PACRG: variants seen among roughly 807,000 people sequenced by gnomAD.
PACRG encodes the protein parkin coregulated gene protein.
A neutral mutation model predicts 29.7 loss-of-function variants in PACRG; 29 were observed. The ratio of observed to expected loss-of-function variants is 0.98; its 90% CI spans 0.73 to 1.33. PACRG has a LOEUF of 1.33. Ranked by LOEUF, PACRG falls within the 40% of genes most tolerant of loss-of-function variation. PACRG has a pLI of 0.00. For missense variants in PACRG, 279 were observed against 316.2 expected (o/e 0.88, Z 0.89); for synonymous variants, 116 against 118.7 (o/e 0.98, Z 0.15).
chr6:163,233,444 AGAGATGCC>A (rs1334055464), intron 4 of PACRG, among the ~76,000 whole-genome samples: 1 of 152,242 alleles, frequency 6.6e-6, no homozygotes, highest in Admixed American at 6.5e-5. Context: ...CTTGAACTTG[AGAGATGCC>A]ATTTTCTAAA....
chr6:162,794,672 G>A (rs769362621), intron 1 of PACRG, among the ~76,000 whole-genome samples: 12 of 152,000 alleles, frequency 7.9e-5, no homozygotes, highest in African/African-American at 1.2e-4. Context: ...CAGTTGTCCC[G>A]CACCATATAT....
intron 2 of PACRG, among the ~76,000 whole-genome samples, chr6:162,961,044 G>T (rs573394976): frequency 1.3e-5 from 2 of 152,156 alleles, no homozygotes; most frequent in African/African-American, 4.8e-5. Context: ...GATGAGGATT[G>T]CATACTTACC....
At position 163,055,705 on chromosome 6, in the gene PACRG, C is replaced by A. The variant is rs539431948; in HGVS notation, c.292-6445C>A. On this transcript the variant is annotated intron_variant, in intron 2 of 4. Coordinates refer to ENST00000366888, the MANE Select transcript of PACRG (RefSeq NM_001080379.2). The surrounding 1 kb of genome is among the most constrained non-coding windows in gnomAD (Gnocchi z 4.0). ...TTATCATTGTAAAATACACATAAAA[C>A]TTACCATTTTTACCATTTTTAAGTG... 6.6e-6 allele frequency among the ~76,000 whole-genome samples: 1 copy of A among 152,084 alleles called. No homozygotes were observed. The highest frequency in any genetic ancestry group is 2.1e-4 in the South Asian group (1 of 4,820).
intron 4 of PACRG, among the ~76,000 whole-genome samples, chr6:163,281,291 G>A (rs1784219016): frequency 6.6e-6 from 1 of 152,204 alleles, no homozygotes; most frequent in South Asian, 2.1e-4. Context: ...ACCCTCAGGA[G>A]TGAGGAAGAG....
intron 2 of PACRG, among the ~76,000 whole-genome samples, chr6:163,050,112 A>G (rs1193744271): frequency 1.3e-5 from 2 of 152,108 alleles, no homozygotes; most frequent in African/African-American, 4.8e-5. Flanking sequence ...TATTGCTTAC[A>G]TATTTGGATC....
At chr6:162,790,291 A>G (rs1784831409) in intron 1 of PACRG, among the ~76,000 whole-genome samples, 1 of 152,180 alleles carries the variant, frequency 6.6e-6, no homozygotes, top group South Asian at 2.1e-4. Context: ...TCAGGCAGGC[A>G]TGCTCATAGG....
At chr6:162,851,940 G>A (rs961660567) in intron 2 of PACRG, among the ~76,000 whole-genome samples, 5 of 147,630 alleles carry the variant, frequency 3.4e-5, no homozygotes, top group African/African-American at 5.0e-5. Flanking sequence ...AAGAAAGGAA[G>A]GGAGAAAGGA....
intron 4 of PACRG, among the ~76,000 whole-genome samples, chr6:163,287,347 G>A (rs1265057541): frequency 6.6e-6 from 1 of 152,164 alleles, no homozygotes; most frequent in Non-Finnish European, 1.5e-5. Flanking sequence ...AGAAGGGAAA[G>A]GGACCCCTCA....
chr6:163,040,183 G>A (rs931627415), intron 2 of PACRG, among the ~76,000 whole-genome samples: 1 of 152,228 alleles, frequency 6.6e-6, no homozygotes, highest in African/African-American at 2.4e-5. Flanking sequence ...TACAGATCAG[G>A]CCATTGCCTC....
At chr6:162,916,518 T>C (rs1337968981) in intron 2 of PACRG, among the ~76,000 whole-genome samples, 1 of 152,218 alleles carries the variant, frequency 6.6e-6, no homozygotes, top group African/African-American at 2.4e-5. Context: ...CTCACATTTC[T>C]TATGTTATGC....
chr6:162,870,123 T>A (rs1792675873), intron 2 of PACRG, among the ~76,000 whole-genome samples: 1 of 152,182 alleles, frequency 6.6e-6, no homozygotes, highest in Non-Finnish European at 1.5e-5. Flanking sequence ...ACCGTGGAAA[T>A]CCAGGTGACT....
At chr6:163,209,923 A>C (rs1441678352) in intron 4 of PACRG, among the ~76,000 whole-genome samples, 1 of 152,172 alleles carries the variant, frequency 6.6e-6, no homozygotes, top group Non-Finnish European at 1.5e-5. Flanking sequence ...TCAACCCTCC[A>C]TTGCACAGTA....
chr6:162,990,109 G>C (rs917153873), intron 2 of PACRG, among the ~76,000 whole-genome samples: 6 of 151,630 alleles, frequency 4.0e-5, no homozygotes, highest in Non-Finnish European at 7.4e-5. Flanking sequence ...TGGTGTATAT[G>C]TGCCACATTT....
chr6:162,889,218 A>C (rs1424140187), intron 2 of PACRG, among the ~76,000 whole-genome samples: 1 of 152,130 alleles, frequency 6.6e-6, no homozygotes, highest in Non-Finnish European at 1.5e-5. Flanking sequence ...GTTATTCTAT[A>C]ATATACTTTC....
Position 163,314,895 on chromosome 6 carries a change from A to G in PACRG, c.682A>G (p.Thr228Ala). Residue 228 changes from threonine to alanine, a missense_variant, in exon 5 of 5, where the codon ACA becomes GCA. Coordinates refer to ENST00000366888, the MANE Select transcript of PACRG (RefSeq NM_001080379.2). ...GAACATTGGGGACTTGATCCAGGAG[A>G]CACTGGAGGCCTTCGAGCGCTACGG... ...RENIGDLIQE[T>A]LEAFERYGGE... 6.8e-6 allele frequency: 11 copies of G among 1,614,202 alleles called. No individual in the cohort carries two copies. Among genetic ancestry groups the G allele is most frequent in the African/African-American group, 1.3e-5 (1 of 75,046 alleles).
chr6:162,934,270 A>AAC (rs1798081251), intron 2 of PACRG, among the ~76,000 whole-genome samples: 2 of 149,304 alleles, frequency 1.3e-5, no homozygotes, highest in East Asian at 5.4e-4. Flanking sequence ...CAAAAAAAAA[A>AAC]AATAAATAAA....
intron 2 of PACRG, among the ~76,000 whole-genome samples, chr6:163,023,896 G>C (rs1806870696): frequency 6.6e-6 from 1 of 152,098 alleles, no homozygotes; most frequent in African/African-American, 2.4e-5. Flanking sequence ...GTCTGTTCAT[G>C]TTTTTTGCCC....
chr6:162,767,211 G>A (rs1562576688), intron 1 of PACRG, among the ~76,000 whole-genome samples: 1 of 151,548 alleles, frequency 6.6e-6, no homozygotes, highest in African/African-American at 2.4e-5. Flanking sequence ...TCATTTAAGA[G>A]TTTTTTTTGT....
intron 1 of PACRG, among the ~76,000 whole-genome samples, chr6:162,778,344 T>A (rs1783815255): frequency 6.6e-6 from 1 of 152,180 alleles, no homozygotes; most frequent in Non-Finnish European, 1.5e-5. Context: ...GTTCCTGTGG[T>A]TGTATAAGTG....
Sources: gnomAD v4.1 joint callset for allele counts (sites outside exome capture counted in the v4.1 genomes callset) on GRCh38, gnomAD v4.1.1 for gene constraint, Gnocchi (gnomAD v3.1) non-coding constraint, MANE v1.5 for transcripts, NCBI Gene and HGNC (gene_info 2026-07-23, HGNC 2026-07-21) for gene names.